Variants in NPR1 observed in about 807,000 individuals in gnomAD.
The protein encoded by NPR1 is natriuretic peptide receptor 1.
NPR1 carries 57 observed loss-of-function variants against 116.9 expected under a neutral mutation model. The ratio of observed to expected loss-of-function variants is 0.49; its 90% CI spans 0.39 to 0.61. The LOEUF is 0.61. NPR1 is among the 20% of genes least tolerant of loss of function. The probability of loss-of-function intolerance (pLI) is 0.00; values close to 1 mark genes in which losing one functional copy is unlikely to be tolerated. For missense variants in NPR1, 1,096 were observed against 1,409.8 expected, an observed-to-expected ratio of 0.78 and a Z score of 3.56; for synonymous variants, 555 against 601.6, an observed-to-expected ratio of 0.92 and a Z score of 1.13.
chr1:153,692,456 G>A (rs954893359), intron 20 of NPR1, among the ~76,000 whole-genome samples: 14 of 151,398 alleles, frequency 9.2e-5, no homozygotes, highest in Admixed American at 7.9e-4. Context: ...TAGCCTCTAG[G>A]CACATATGGC....
chr1:153,687,408 G>A, intron 13 of NPR1, 52 bp downstream of exon 13: 1 of 1,591,304 alleles, frequency 6.3e-7, no homozygotes, highest in South Asian at 1.1e-5. Context: ...ACCCAGTAGG[G>A]AGACTGATGC....
intron 21 of NPR1, 67 bp downstream of exon 21, chr1:153,693,264 G>A (rs1339479528): frequency 1.3e-6 from 2 of 1,598,684 alleles, no homozygotes; most frequent in South Asian, 2.2e-5. Context: ...TTCTCAAGCA[G>A]CCAATGCCAC....
chr1:153,684,907 A>G, intron 7 of NPR1, 57 bp from the exon 8 acceptor site: 1 of 1,606,096 alleles, frequency 6.2e-7, no homozygotes, highest in Non-Finnish European at 8.5e-7. Context: ...GCTGCTGAGC[A>G]CCCTGCCCTG....
intron 7 of NPR1, among the ~76,000 whole-genome samples, chr1:153,684,583 G>T (rs993607674): frequency 2.0e-5 from 3 of 151,614 alleles, no homozygotes; most frequent in African/African-American, 7.3e-5. Flanking sequence ...GTAGAGACAG[G>T]GTTTCACCAT....
chr1:153,682,851 G>C (rs1372264761), intron 5 of NPR1, among the ~76,000 whole-genome samples: 2 of 152,186 alleles, frequency 1.3e-5, no homozygotes, highest in African/African-American at 2.4e-5. Context: ...TCCGAAGGGA[G>C]GCAGGCAGGA....
intron 15 of NPR1, 159 bp from the exon 16 acceptor site, chr1:153,688,792 TTC>T: frequency 1.3e-6 from 1 of 771,938 alleles, no homozygotes; most frequent in Non-Finnish European, 2.1e-6. Flanking sequence ...ACTTTCTTCC[TTC>T]TGTTTTCCCC....
At chr1:153,693,084 C>A in intron 20 of NPR1, 22 bp from the exon 21 acceptor site, 2 of 1,590,916 alleles carry the variant, frequency 1.3e-6, no homozygotes, top group South Asian at 1.1e-5. Flanking sequence ...GCTCACCTTC[C>A]CTTCTCCCCT....
At chr1:153,693,235 G>A (rs1557967606) in intron 21 of NPR1, 38 bp downstream of exon 21, 1 of 1,605,312 alleles carries the variant, frequency 6.2e-7, no homozygotes, top group Non-Finnish European at 8.5e-7. Flanking sequence ...ACCTTTTGGG[G>A]TCCTAGAGGG....
intron 10 of NPR1, 132 bp downstream of exon 10, chr1:153,686,332 G>A: frequency 1.2e-6 from 1 of 855,522 alleles, no homozygotes; most frequent in Non-Finnish European, 1.9e-6. Flanking sequence ...GCCCTGGGAT[G>A]GACCTTCATC....
chr1:153,689,631 CG>C lies in NPR1; in HGVS notation c.2757+113del. The stretch of plus-strand genomic sequence containing the variant: ...GTCTTAAGAGAGGAGATCGGGGACA[CG>C]GGCAGAGACAGTGACACAGGGAGAC... On this transcript the variant is annotated intron_variant, in intron 18 of 21. Transcript: ENST00000368680. This position sits in a 1 kb window ranked among gnomAD's most constrained non-coding sequence, Gnocchi z 5.1. 7.9e-7 allele frequency: 1 copy of C among 1,263,878 alleles called. No individual in the cohort carries two copies. The allele number at this position is 1,263,878 out of a possible 1,614,324, so 78.3% of individuals were successfully genotyped here.
At position 153,689,499 on chromosome 1, in the gene NPR1, T is replaced by C. The variant is rs752290192; in HGVS notation, c.2735T>C (p.Ile912Thr). ...NDLYTCFDAV[I>T]DNFDVYKVET... ...CTGTACACTTGCTTTGATGCTGTCA[T>C]AGACAACTTTGATGTGTACAAGGTG... The change falls in exon 18 of 22, where the codon ATA becomes ACA. Residue 912 changes from isoleucine to threonine, a missense_variant. Transcript: ENST00000368680. This position sits in a 1 kb window ranked among gnomAD's most constrained non-coding sequence, Gnocchi z 5.1. The C allele has an allele frequency of 1.5e-5, 25 of 1,613,988 alleles. No homozygotes were observed. The highest frequency in any genetic ancestry group is 7.7e-5 in the South Asian group (7 of 91,080).
intron 13 of NPR1, 73 bp from the exon 14 acceptor site, chr1:153,687,561 C>T: frequency 6.6e-7 from 1 of 1,520,514 alleles, no homozygotes; most frequent in Non-Finnish European, 8.8e-7. Flanking sequence ...CAGTTTCGGC[C>T]ACACCCTTGT....
intron 10 of NPR1, 72 bp downstream of exon 10, chr1:153,686,272 C>A: frequency 7.0e-7 from 1 of 1,427,054 alleles, no homozygotes; most frequent in Non-Finnish European, 9.8e-7. Context: ...GCCAACAGAA[C>A]TAGTTATGGA....
chr1:153,686,902 GTCAATCCAAA>G, intron 11 of NPR1, 104 bp from the exon 12 acceptor site: 1 of 1,309,288 alleles, frequency 7.6e-7, no homozygotes, highest in African/African-American at 1.4e-5. Flanking sequence ...TGGCACTAGA[GTCAATCCAAA>G]GTTTTGTCCT....
chr1:153,682,276 T>C (rs1669802891), intron 4 of NPR1, among the ~76,000 whole-genome samples: 1 of 152,052 alleles, frequency 6.6e-6, no homozygotes, highest in Non-Finnish European at 1.5e-5. Context: ...GTCAGGCTGG[T>C]CTTGAACTCC....
In NPR1 at chr1:153,678,732, C is replaced by T. The variant is rs1669668137; in HGVS notation, c.-377C>T. The T allele has an allele frequency of 2.0e-5, 5 of 251,174 alleles. No individual in the cohort carries two copies. In the Admixed American group the frequency reaches 2.3e-4, roughly 12 times the overall value. The allele number at this position is 251,174 out of a possible 1,614,324, so 15.6% of individuals were successfully genotyped here. On this transcript the variant is annotated 5_prime_UTR_variant, in exon 1 of 22. Coordinates refer to ENST00000368680, the MANE Select transcript of NPR1 (RefSeq NM_000906.4). This position sits in a 1 kb window ranked among gnomAD's most constrained non-coding sequence, Gnocchi z 5.8. ...CTCACGCACGCTACAAACACACACT[C>T]CTCTTTCCTCCCTCGCGCGCCCTCT...
At position 153,679,578 on chromosome 1, in the gene NPR1, G is replaced by T. The variant is rs1259850893; in HGVS notation, c.470G>T (p.Arg157Leu). Residue 157 changes from arginine to leucine, a missense_variant, in exon 1 of 22, where the codon CGC becomes CTC. Transcript: ENST00000368680. The surrounding 1 kb of genome is among the most constrained non-coding windows in gnomAD (Gnocchi z 4.2). ...GVKDEYALTT[R>L]AGPSYAKLGD... The stretch of plus-strand genomic sequence containing the variant: ...AAGGACGAGTATGCGCTGACCACCC[G>T]CGCGGGGCCCAGCTACGCCAAGCTG... The T allele has an allele frequency of 1.3e-6, 2 of 1,565,284 alleles. No homozygotes were observed. Among genetic ancestry groups the T allele is most frequent in the Non-Finnish European group, 1.7e-6 (2 of 1,160,124 alleles).
chr1:153,686,604 G>T, intron 10 of NPR1, 42 bp from the exon 11 acceptor site: 1 of 1,530,036 alleles, frequency 6.5e-7, no homozygotes, highest in Middle Eastern at 1.7e-4. Context: ...TTGGTGAGGA[G>T]CGAGGTCTCT....
At chr1:153,685,654 A>G in intron 8 of NPR1, 152 bp from the exon 9 acceptor site, 1 of 654,330 alleles carries the variant, frequency 1.5e-6, no homozygotes, top group Non-Finnish European at 2.7e-6. Flanking sequence ...ACACAATGAT[A>G]CTACATCTCA....
Sources: gnomAD v4.1 joint callset for allele counts (sites outside exome capture counted in the v4.1 genomes callset) on GRCh38, gnomAD v4.1.1 for gene constraint, Gnocchi (gnomAD v3.1) non-coding constraint, MANE v1.5 for transcripts, NCBI Gene and HGNC (gene_info 2026-07-23, HGNC 2026-07-21) for gene names.